The following FBXO11 variants were observed in gnomAD, a reference collection of about 807,000 sequenced individuals.
The protein encoded by FBXO11 is F-box protein 11, also known as F-box only protein 11.
A neutral mutation model predicts 117.0 loss-of-function variants in FBXO11; 13 were observed. The ratio of observed to expected loss-of-function variants is 0.11; its 90% CI spans 0.07 to 0.18. The LOEUF is 0.18. Among genes scored for constraint, FBXO11 ranks in the 10% least tolerant of loss-of-function variants. FBXO11 has a pLI of 1.00. For synonymous variants in FBXO11, 490 were observed against 380.5 expected, an observed-to-expected ratio of 1.29 and a Z score of -3.35; for missense variants, 767 against 1,164.4, an observed-to-expected ratio of 0.66 and a Z score of 4.97.
intron 4 of FBXO11, among the ~76,000 whole-genome samples, chr2:47,837,417 C>G (rs998332017): frequency 6.6e-5 from 10 of 152,164 alleles, no homozygotes; most frequent in Non-Finnish European, 1.5e-4. Flanking sequence ...ATCCCAGCTA[C>G]TCAGGAGGCT....
At chr2:47,831,890 T>G (rs967030892) in intron 11 of FBXO11, among the ~76,000 whole-genome samples, 2 of 152,186 alleles carry the variant, frequency 1.3e-5, no homozygotes, top group African/African-American at 4.8e-5. Context: ...AGGAATTAAA[T>G]GAAAAGCAAA....
rs111997303 is a variant in FBXO11 at position 47,830,463 on chromosome 2, C to T, written c.1398+1886G>A. On this transcript the variant is annotated intron_variant, in intron 11 of 22. Transcript: ENST00000403359. ...AAATTTAAATTCAAGAATGGAGAAACGATGATAAAAGAACTAATGATAAAT... is the reference window on the plus strand; with the variant it reads ...AAATTTAAATTCAAGAATGGAGAAATGATGATAAAAGAACTAATGATAAAT... Among the ~76,000 whole-genome samples, 187 of 151,734 alleles carry T rather than the reference C, an allele frequency of 1.2e-3. 1 individual carries two copies. The highest frequency in any genetic ancestry group is 4.4e-3 in the African/African-American group (182 of 41,386).
chr2:47,832,250 C>T, intron 11 of FBXO11, 99 bp downstream of exon 11: 1 of 996,772 alleles, frequency 1.0e-6, no homozygotes, highest in South Asian at 1.8e-5. Flanking sequence ...CTATACTCTT[C>T]AATTCAGATA....
intron 1 of FBXO11, among the ~76,000 whole-genome samples, chr2:47,903,600 C>T (rs1678489141): frequency 6.6e-6 from 1 of 152,114 alleles, no homozygotes; most frequent in Non-Finnish European, 1.5e-5. Context: ...ACACACAAAC[C>T]TTGAAATGAA....
intron 1 of FBXO11, among the ~76,000 whole-genome samples, chr2:47,858,864 C>T (rs772997289): frequency 4.0e-5 from 6 of 150,636 alleles, no homozygotes; most frequent in Non-Finnish European, 7.4e-5. Context: ...CATGGTGAAA[C>T]CCCGTCTCTA....
intron 1 of FBXO11, among the ~76,000 whole-genome samples, chr2:47,899,505 C>A (rs1383452187): frequency 6.6e-6 from 1 of 152,098 alleles, no homozygotes; most frequent in East Asian, 1.9e-4. Context: ...AGGTGTGATT[C>A]CCACTTGAAA....
intron 11 of FBXO11, among the ~76,000 whole-genome samples, chr2:47,831,254 TA>T (rs1672162456): frequency 6.6e-6 from 1 of 151,264 alleles, no homozygotes; most frequent in Non-Finnish European, 1.5e-5. Flanking sequence ...CTGTTTCTAC[TA>T]AAAATACAAA....
At chr2:47,898,517 C>A (rs933305402) in intron 1 of FBXO11, among the ~76,000 whole-genome samples, 2 of 152,178 alleles carry the variant, frequency 1.3e-5, no homozygotes, top group African/African-American at 2.4e-5. Context: ...ACCCTTTATT[C>A]ATAACTTATG....
At position 47,874,221 on chromosome 2, in the gene FBXO11, TAATA is replaced by T. The variant is rs374499249; in HGVS notation, c.232+31264_232+31267del. ...AGTGCGAGACTGTCTCAAAAATAAA[TAATA>T]AATAAATAAAATATATAACTTTAAA... On this transcript the variant is annotated intron_variant, in intron 1 of 22. Coordinates refer to ENST00000403359, the MANE Select transcript of FBXO11 (RefSeq NM_001190274.2). 5.2e-4 allele frequency among the ~76,000 whole-genome samples: 79 copies of T among 152,106 alleles called. No individual in the cohort carries two copies. In the East Asian group the frequency reaches 0.015, roughly 28 times the overall value.
chr2:47,849,056 T>C (rs1443704921), intron 1 of FBXO11, among the ~76,000 whole-genome samples: 2 of 152,182 alleles, frequency 1.3e-5, no homozygotes, highest in African/African-American at 2.4e-5. Flanking sequence ...ACTAACAACT[T>C]TGTGTTTAGA....
At chr2:47,900,136 G>C (rs995243414) in intron 1 of FBXO11, among the ~76,000 whole-genome samples, 2 of 152,038 alleles carry the variant, frequency 1.3e-5, no homozygotes, top group East Asian at 1.9e-4. Flanking sequence ...AGAGCTCTTA[G>C]GCCTCATCAG....
In FBXO11 at chr2:47,827,609, C is replaced by T. The variant is rs568056112; in HGVS notation, c.1399-4249G>A. Among the ~76,000 whole-genome samples, 27 of 152,162 alleles carry T rather than the reference C, an allele frequency of 1.8e-4. No homozygotes were observed. In the East Asian group the frequency reaches 4.6e-3, roughly 26 times the overall value. On this transcript the variant is annotated intron_variant, in intron 11 of 22. Coordinates refer to ENST00000403359, the MANE Select transcript of FBXO11 (RefSeq NM_001190274.2). ...GGCATGAGCCACTGAACCCGGCCTG[C>T]TTCAAGACGTATTTTAATAGAATGC...
chr2:47,894,222 G>A (rs576747303), intron 1 of FBXO11, among the ~76,000 whole-genome samples: 2 of 151,804 alleles, frequency 1.3e-5, no homozygotes, highest in African/African-American at 2.4e-5. Flanking sequence ...CACCAGGAAC[G>A]GAAAGGTCCA....
At chr2:47,902,346 A>C (rs191048616) in intron 1 of FBXO11, among the ~76,000 whole-genome samples, 8 of 152,346 alleles carry the variant, frequency 5.3e-5, no homozygotes, top group Middle Eastern at 6.8e-3. Flanking sequence ...CATTTCAGCT[A>C]ACGAGTGAAC....
intron 4 of FBXO11, among the ~76,000 whole-genome samples, chr2:47,838,446 G>T (rs931847251): frequency 6.6e-6 from 1 of 151,780 alleles, no homozygotes; most frequent in Admixed American, 6.6e-5. Flanking sequence ...GGGTCAAAGG[G>T]CATGACCCAG....
At chr2:47,864,025 T>C (rs754501842) in intron 1 of FBXO11, among the ~76,000 whole-genome samples, 4 of 152,048 alleles carry the variant, frequency 2.6e-5, no homozygotes, top group Non-Finnish European at 4.4e-5. Context: ...AACAAAATGG[T>C]AGTCAAGTTA....
At chr2:47,874,398 T>A (rs1410856394) in intron 1 of FBXO11, among the ~76,000 whole-genome samples, 1 of 152,010 alleles carries the variant, frequency 6.6e-6, no homozygotes, top group Non-Finnish European at 1.5e-5. Context: ...GCCTTAAAAA[T>A]TTTTTTAGGT....
In FBXO11 at chr2:47,818,873, T is replaced by TA. The variant is rs374445177; in HGVS notation, c.1921-10dup. The TA allele has an allele frequency of 0.025, 34,283 of 1,391,286 alleles. 51 individuals are homozygous for TA. Among genetic ancestry groups the TA allele is most frequent in the African/African-American group, 0.056 (3,547 of 63,368 alleles). 86.2% of individuals were successfully genotyped at this position (1,391,286 alleles called of 1,614,324 possible). A position where few individuals can be genotyped will look rare whatever the true frequency, so the allele number is the denominator to read the frequency against. On this transcript the variant is annotated splice_polypyrimidine_tract_variant and intron_variant, in intron 15 of 22. Transcript: ENST00000403359. ...TAAAAATAAACACCAACCTAAAATT[T>TA]AAAAAAAAAAAAAAAGCTTTTTCAA... is the stretch of plus-strand genomic sequence containing the variant.
chr2:47,875,917 G>A (rs1675968530), intron 1 of FBXO11, among the ~76,000 whole-genome samples: 1 of 152,070 alleles, frequency 6.6e-6, no homozygotes. Flanking sequence ...GGTTAAAAAA[G>A]AAAAGCAGCA....
Sources: allele counts gnomAD v4.1 joint callset (sites outside exome capture counted in the v4.1 genomes callset), GRCh38; gene constraint gnomAD v4.1.1; transcripts MANE v1.5; gene names NCBI Gene and HGNC (gene_info 2026-07-23, HGNC 2026-07-21).